METTL3: variants seen among roughly 807,000 people sequenced by gnomAD.
METTL3 encodes the protein methyltransferase 3, N6-adenosine-methyltransferase complex catalytic subunit.
Under a neutral mutation model 64.3 loss-of-function variants are expected in METTL3, and 42 were observed. The observed-to-expected ratio is 0.65, with a 90% CI of 0.51 to 0.84. METTL3 has a LOEUF of 0.84. Ranked by LOEUF, METTL3 falls within the 40% of genes least tolerant of loss-of-function variation. The pLI, the probability that METTL3 is intolerant of heterozygous loss-of-function variation, is 0.00. For missense variants in METTL3, 435 were observed against 722.3 expected (o/e 0.60, Z 4.56); for synonymous variants, 256 against 263.6 (o/e 0.97, Z 0.28).
At chr14:21,505,388 C>T (rs997163601) in intron 1 of METTL3, among the ~76,000 whole-genome samples, 4 of 152,206 alleles carry the variant, frequency 2.6e-5, no homozygotes, top group African/African-American at 9.7e-5. Context: ...TGACTTTTCT[C>T]ATTGGTAATC....
chr14:21,499,295 G>A lies in METTL3; in HGVS notation c.1518+11C>T, dbSNP rs750896377. ...AAATGTGGAAGCTTTGGAGGCCTGG[G>A]AAGCACATACCTCAGCTACGATCAC... On this transcript the variant is annotated intron_variant, in intron 9 of 10. Coordinates refer to ENST00000298717, the MANE Select transcript of METTL3 (RefSeq NM_019852.5). 24 of 1,614,064 alleles carry A rather than the reference G, an allele frequency of 1.5e-5. No homozygotes were observed. Among genetic ancestry groups the A allele is most frequent in the Non-Finnish European group, 1.9e-5 (23 of 1,180,030 alleles).
intron 10 of METTL3, chr14:21,498,576 T>C (rs1891470678): frequency 1.7e-6 from 1 of 592,782 alleles, no homozygotes; most frequent in African/African-American, 1.9e-5. Context: ...TGGATCTGTA[T>C]TATCTGAGGG....
Position 21,501,802 on chromosome 14 carries a change from G to A in METTL3, c.825C>T (p.Phe275=). 1 of 1,614,144 alleles carries A rather than the reference G, an allele frequency of 6.2e-7. No individual in the cohort carries two copies. The highest frequency in any genetic ancestry group is 8.5e-7 in the Non-Finnish European group (1 of 1,180,014). The part of the protein sequence containing the change: ...RSRGRAQVQE[F]CDYGTKEECM... ...ACTCCTCCTTGGTTCCATAGTCACA[G>A]AATTCTTGCACTTGGGCCCGACCTC... Residue 275 remains phenylalanine, a synonymous_variant, in exon 4 of 11, where the codon TTC becomes TTT. Transcript: ENST00000298717.
At chr14:21,500,098 G>A (rs1329532810) in intron 6 of METTL3, among the ~76,000 whole-genome samples, 8 of 152,168 alleles carry the variant, frequency 5.3e-5, no homozygotes, top group Admixed American at 5.2e-4. Flanking sequence ...GGTAGCTCAC[G>A]CCTGTAATCC....
chr14:21,502,254 C>A, intron 3 of METTL3: 1 of 190,278 alleles, frequency 5.3e-6, no homozygotes, highest in South Asian at 9.2e-5. Context: ...GAACTCCTCG[C>A]CTCAGGTGAT....
chr14:21,498,974 A>T, intron 10 of METTL3, 51 bp downstream of exon 10: 1 of 1,275,264 alleles, frequency 7.8e-7, no homozygotes, highest in Non-Finnish European at 1.1e-6. Context: ...TTCTGTCCTT[A>T]ATCATAAATA....
At chr14:21,501,610 T>C in intron 4 of METTL3, 118 bp downstream of exon 4, 1 of 1,337,208 alleles carries the variant, frequency 7.5e-7, no homozygotes, top group South Asian at 1.3e-5. Context: ...CTGGAGGACT[T>C]ACACAAACCA....
At position 21,499,655 on chromosome 14, in the gene METTL3, T is replaced by C. The variant is rs984419689; in HGVS notation, c.1344-55A>G. ...TAGCCAAACTTTTACAGTTTAGGGGTAGTACCATTTATAGAAGCAAGGAAT... is the reference window on the plus strand; with the variant it reads ...TAGCCAAACTTTTACAGTTTAGGGGCAGTACCATTTATAGAAGCAAGGAAT... On this transcript the variant is annotated intron_variant, in intron 7 of 10. Transcript: ENST00000298717. 3 of 1,579,546 alleles carry C rather than the reference T, an allele frequency of 1.9e-6. No individual in the cohort carries two copies. The African/African-American group carries it at 4.0e-5, about 21-fold the overall frequency.
intron 1 of METTL3, among the ~76,000 whole-genome samples, chr14:21,509,275 G>A (rs1891773789): frequency 6.6e-6 from 1 of 152,218 alleles, no homozygotes; most frequent in Non-Finnish European, 1.5e-5. Flanking sequence ...GGGAAGTCAA[G>A]GCAGCAGTGA....
intron 3 of METTL3, 109 bp from the exon 4 acceptor site, chr14:21,502,012 CTTT>C (rs75402343): frequency 0.038 from 17,295 of 451,732 alleles, 593 homozygotes; most frequent in African/African-American, 0.18. Context: ...GATAAATCAA[CTTT>C]TTTTTTTTTT....
Position 21,498,271 on chromosome 14 carries a change from G to A in METTL3, c.1730C>T (p.Pro577Leu). ...AAGGAAGTGCTTCTATAAATTCTTA[G>A]GTTTAGAGATGATACCATCTGGGTA... ...QRYPDGIISK[P>L]KNL The change falls in exon 11 of 11, where the codon CCT (proline) becomes CTT (leucine). Residue 577 changes from proline to leucine, a missense_variant. By Grantham distance (98) the Pro-to-Leu change is moderately conservative (BLOSUM62 -3). Around this residue, in one of 9 missense-constraint regions of METTL3, gnomAD observed 20 missense variants for 26.2 expected, o/e 0.76. Coordinates refer to ENST00000298717, the MANE Select transcript of METTL3 (RefSeq NM_019852.5). The A allele has an allele frequency of 6.3e-7, 1 of 1,587,916 alleles. No homozygotes were observed. The highest frequency in any genetic ancestry group is 8.7e-7 in the Non-Finnish European group (1 of 1,156,026).
intron 10 of METTL3, chr14:21,498,669 T>C (rs1231577561): frequency 4.1e-6 from 2 of 490,304 alleles, no homozygotes; most frequent in Admixed American, 3.6e-5. Flanking sequence ...GCTAGCAGCA[T>C]GTGTTTTAAG....
rs1891621973 is a variant in METTL3 at position 21,503,493 on chromosome 14, G to A, written c.403C>T (p.Leu135Phe). The A allele has an allele frequency of 6.2e-7, 1 of 1,612,302 alleles. No individual in the cohort carries two copies. Among genetic ancestry groups the A allele is most frequent in the Non-Finnish European group, 8.5e-7 (1 of 1,180,010 alleles). The change falls in exon 3 of 11, where the codon CTC (leucine) becomes TTC (phenylalanine). Residue 135 changes from leucine to phenylalanine, a missense_variant. By Grantham distance (22) the Leu-to-Phe change is conservative. Coordinates refer to ENST00000298717, the MANE Select transcript of METTL3 (RefSeq NM_019852.5). ...AQELIEVKRG[L>F]LQDDAHPTLV... Reference sequence around the variant, plus strand: ...GTAGGATGTGCATCATCTTGTAGGAGACCTCGCTTTACCTCAATCAACTCC... The same window carrying A: ...GTAGGATGTGCATCATCTTGTAGGAAACCTCGCTTTACCTCAATCAACTCC...
Position 21,503,542 on chromosome 14 carries a change from G to A in METTL3, c.354C>T (p.Ser118=). ...CCTGAGCTGCAAACTTCTGCAGGAG[G>A]CTTTCTACCCCATCTTGAGTGGCAG... The part of the protein sequence containing the change: ...DAPATQDGVE[S]LLQKFAAQEL... Residue 118 remains serine (S), a synonymous_variant, in exon 3 of 11, where the codon AGC becomes AGT. Coordinates refer to ENST00000298717, the MANE Select transcript of METTL3 (RefSeq NM_019852.5). 6.2e-7 allele frequency: 1 copy of A among 1,612,366 alleles called. No homozygotes were observed. Among genetic ancestry groups the A allele is most frequent in the Non-Finnish European group, 8.5e-7 (1 of 1,179,930 alleles).
At chr14:21,509,136 T>TA (rs988025358) in intron 1 of METTL3, among the ~76,000 whole-genome samples, 4 of 151,956 alleles carry the variant, frequency 2.6e-5, no homozygotes, top group African/African-American at 9.7e-5. Flanking sequence ...GCTCAGGAGT[T>TA]AGAGATCAGC....
In METTL3 at chr14:21,499,749, A is replaced by G; in HGVS notation, c.1343+15T>C. 1 of 1,611,934 alleles carries G rather than the reference A, an allele frequency of 6.2e-7. No homozygotes were observed. The highest frequency in any genetic ancestry group is 1.1e-5 in the South Asian group (1 of 91,022). On this transcript the variant is annotated intron_variant, in intron 7 of 10. Transcript: ENST00000298717. ...AGTATTACCCTCAAAAGAAAGCAAC[A>G]CAACCACTACTTACCCCCAGAGGTT...
chr14:21,498,986 T>C, intron 10 of METTL3, 39 bp downstream of exon 10: 5 of 1,365,072 alleles, frequency 3.7e-6, no homozygotes, highest in East Asian at 2.3e-5. Flanking sequence ...TCATAAATAA[T>C]AGCCCCTTGA....
Position 21,501,024 on chromosome 14 carries a change from A to AC in METTL3, c.1004_1005insG (p.Cys336LeufsTer5). On this transcript the variant is annotated frameshift_variant, in exon 5 of 11. Transcript: ENST00000298717. LOFTEE classifies it high-confidence loss of function. ...TGCCAGGGGCCTCAGAATCCATGCAAGCATCAATTTCATAGTGAACATACT... is the reference window on the plus strand; with the variant it reads ...TGCCAGGGGCCTCAGAATCCATGCAACGCATCAATTTCATAGTGAACATACT... 1 of 1,614,190 alleles carries AC rather than the reference A, an allele frequency of 6.2e-7. No homozygotes were observed. Among genetic ancestry groups the AC allele is most frequent in the Non-Finnish European group, 8.5e-7 (1 of 1,180,016 alleles).
rs760060629 is a variant in METTL3, at chr14:21,503,765, C to G, written c.217G>C (p.Ala73Pro). The change falls in exon 2 of 11, where the codon GCT becomes CCT. Residue 73 changes from alanine to proline, a missense_variant. By Grantham distance (27) the Ala-to-Pro change is conservative. Around this residue, in one of 9 missense-constraint regions of METTL3, gnomAD observed 228 missense variants for 279.6 expected, o/e 0.82. Coordinates refer to ENST00000298717, the MANE Select transcript of METTL3 (RefSeq NM_019852.5). ...TTCTTCTCTAACTCAGGATCTGTAG[C>G]TAATTCAGGAACTGCTGAAGCTGTG... is the stretch of plus-strand genomic sequence containing the variant. ...PSTASAVPEL[A>P]TDPELEKKLL... 3.1e-6 allele frequency: 5 copies of G among 1,614,112 alleles called. No individual in the cohort carries two copies. The highest frequency in any genetic ancestry group is 4.2e-6 in the Non-Finnish European group (5 of 1,180,052).
Sources: allele counts gnomAD v4.1 joint callset (sites outside exome capture counted in the v4.1 genomes callset), GRCh38; gene constraint gnomAD v4.1.1; regional missense constraint gnomAD v4.1.1; transcripts MANE v1.5; gene names NCBI Gene and HGNC (gene_info 2026-07-23, HGNC 2026-07-21).